Variants in TTC8 observed in about 807,000 individuals in gnomAD.
The protein encoded by TTC8 is tetratricopeptide repeat protein 8.
Under a neutral mutation model 72.5 loss-of-function variants are expected in TTC8, and 47 were observed. That is an observed-to-expected ratio of 0.65 (90% CI 0.51 to 0.83). The LOEUF (loss-of-function observed/expected upper bound fraction) is 0.83, where lower values mean the gene tolerates loss of function less well. TTC8 is among the 40% of genes least tolerant of loss of function. The pLI is 0.00. For missense variants in TTC8, 611 were observed against 623.2 expected, an observed-to-expected ratio of 0.98 and a Z score of 0.21; for synonymous variants, 199 against 221.4, an observed-to-expected ratio of 0.90 and a Z score of 0.90.
chr14:88,880,011 A>G (rs2094969060), downstream of TTC8: 1 of 152,114 alleles, frequency 6.6e-6, no homozygotes, highest in African/African-American at 2.4e-5. Flanking sequence ...CCAACCCTTT[A>G]CTACAATGAG....
intron 1 of TTC8, chr14:88,830,820 TAAA>T (rs1395755523): frequency 2.2e-6 from 1 of 455,726 alleles, no homozygotes; most frequent in Non-Finnish European, 4.4e-6. Context: ...CAGTGATTTT[TAAA>T]AAAGAGTTTT....
chr14:88,870,296 C>A, intron 11 of TTC8, 98 bp downstream of exon 11: 1 of 1,347,354 alleles, frequency 7.4e-7, no homozygotes, highest in Non-Finnish European at 1.1e-6. Flanking sequence ...AAGGTATAGG[C>A]CATGTCTTTA....
chr14:88,841,205 T>G lies in TTC8; in HGVS notation c.489+9T>G, dbSNP rs1178367104. On this transcript the variant is annotated intron_variant, in intron 5 of 14. Coordinates refer to ENST00000380656, the MANE Select transcript of TTC8 (RefSeq NM_144596.4). The stretch of plus-strand genomic sequence containing the variant: ...TTGTCAGGCTGGGAACGGTAAATTC[T>G]ATCAGCTTTCCCATAGCCTTGTATT... 1.2e-6 allele frequency: 2 copies of G among 1,613,914 alleles called. No individual in the cohort carries two copies. Among genetic ancestry groups the G allele is most frequent in the African/African-American group, 1.3e-5 (1 of 74,914 alleles).
At chr14:88,869,197 C>A (rs1161776426) in intron 10 of TTC8, among the ~76,000 whole-genome samples, 1 of 152,132 alleles carries the variant, frequency 6.6e-6, no homozygotes, top group East Asian at 1.9e-4. Context: ...GATGTGGAGC[C>A]TGAACAGGGC....
chr14:88,844,306 C>T (rs2094795674), intron 7 of TTC8, among the ~76,000 whole-genome samples: 1 of 152,102 alleles, frequency 6.6e-6, no homozygotes, highest in African/African-American at 2.4e-5. Flanking sequence ...GTCTTCATAG[C>T]CTCTTAACAG....
rs1213882506 is a variant in TTC8, at chr14:88,843,867, T to C, written c.624+17T>C. On this transcript the variant is annotated intron_variant, in intron 7 of 14. Coordinates refer to ENST00000380656, the MANE Select transcript of TTC8 (RefSeq NM_144596.4). Reference sequence around the variant, plus strand: ...GTTAAGACTGTAAGTTTTGAATTCATGCTATTTTCTTTTATTGTAATTTTT... The same window carrying C: ...GTTAAGACTGTAAGTTTTGAATTCACGCTATTTTCTTTTATTGTAATTTTT... 3.9e-6 allele frequency: 6 copies of C among 1,537,914 alleles called. No individual in the cohort carries two copies. Among genetic ancestry groups the C allele is most frequent in the Non-Finnish European group, 5.4e-6 (6 of 1,121,076 alleles).
intron 7 of TTC8, among the ~76,000 whole-genome samples, chr14:88,852,604 G>C (rs371205870): frequency 1.6e-4 from 24 of 152,276 alleles, no homozygotes; most frequent in African/African-American, 5.5e-4. Context: ...CCGAAGACTT[G>C]ACTGCCACGG....
intron 1 of TTC8, among the ~76,000 whole-genome samples, chr14:88,830,421 G>C (rs1012768765): frequency 3.9e-5 from 6 of 152,136 alleles, no homozygotes; most frequent in Non-Finnish European, 8.8e-5. Context: ...AGTTCTGAAA[G>C]GGGGAGTAAT....
At chr14:88,835,537 CA>C (rs1216081171) in intron 2 of TTC8, among the ~76,000 whole-genome samples, 4 of 152,078 alleles carry the variant, frequency 2.6e-5, no homozygotes, top group Non-Finnish European at 5.9e-5. Flanking sequence ...AACAAAGTTC[CA>C]AAAGCATCAA....
intron 2 of TTC8, 24 bp from the exon 3 acceptor site, chr14:88,839,428 G>A: frequency 6.2e-7 from 1 of 1,611,012 alleles, no homozygotes; most frequent in Non-Finnish European, 8.5e-7. Context: ...TTTAATATAT[G>A]TTTTATTTAT....
intron 10 of TTC8, 112 bp from the exon 11 acceptor site, chr14:88,869,946 TG>T: frequency 9.2e-7 from 1 of 1,082,500 alleles, no homozygotes; most frequent in Non-Finnish European, 1.4e-6. Flanking sequence ...GTCTGGCACA[TG>T]GTAGCCTCTC....
intron 10 of TTC8, among the ~76,000 whole-genome samples, chr14:88,867,586 C>T (rs557104148): frequency 4.6e-5 from 7 of 152,012 alleles, no homozygotes; most frequent in South Asian, 4.2e-4. Context: ...AATTTTGTAC[C>T]GTTTTGTAAG....
At chr14:88,826,369 A>G (rs928986718) in intron 1 of TTC8, among the ~76,000 whole-genome samples, 1 of 152,048 alleles carries the variant, frequency 6.6e-6, no homozygotes, top group Non-Finnish European at 1.5e-5. Flanking sequence ...ACTTGTGACA[A>G]AATATTGACC....
At chr14:88,878,801 C>T (rs1358890448), downstream of TTC8, 1 of 152,216 alleles carries the variant, frequency 6.6e-6, no homozygotes, top group Non-Finnish European at 1.5e-5. Context: ...AATATGCCCA[C>T]TGTTCTGAGC....
rs1808862746 is a variant in TTC8 at position 88,848,544 on chromosome 14, C to T, written c.625-4427C>T. Among the ~76,000 whole-genome samples, 4 of 152,078 alleles carry T rather than the reference C, an allele frequency of 2.6e-5. No individual in the cohort carries two copies. In the South Asian group the frequency reaches 8.3e-4, roughly 32 times the overall value. ...TGTAACTTTAGATATAGTGGCAAAA[C>T]TATATCTAACCTAAATGTTTAACAA... On this transcript the variant is annotated intron_variant, in intron 7 of 14. Coordinates refer to ENST00000380656, the MANE Select transcript of TTC8 (RefSeq NM_144596.4).
chr14:88,876,343 T>C (rs540697441), intron 14 of TTC8, among the ~76,000 whole-genome samples: 9 of 152,370 alleles, frequency 5.9e-5, no homozygotes, highest in Admixed American at 2.0e-4. Flanking sequence ...ATTTCTGTTT[T>C]AATACGTATG....
At position 88,840,946 on chromosome 14, in the gene TTC8, A is replaced by G. The variant is rs774470766; in HGVS notation, c.329+18A>G. The G allele has an allele frequency of 6.3e-5, 102 of 1,614,020 alleles. No homozygotes were observed. The highest frequency in any genetic ancestry group is 8.6e-5 in the Non-Finnish European group (102 of 1,179,986). On this transcript the variant is annotated intron_variant, in intron 4 of 14. Transcript: ENST00000380656. The stretch of plus-strand genomic sequence containing the variant: ...GCCGTTAGGTATGTACTTCTGCTTC[A>G]TAACCTCTGCCACTAAATATTGATC...
At chr14:88,870,530 A>C (rs1477010781) in intron 11 of TTC8, among the ~76,000 whole-genome samples, 1 of 152,254 alleles carries the variant, frequency 6.6e-6, no homozygotes, top group Non-Finnish European at 1.5e-5. Context: ...ACCATTAAAC[A>C]TAAAGACACT....
chr14:88,850,985 C>G (rs531153286), intron 7 of TTC8, among the ~76,000 whole-genome samples: 1 of 152,252 alleles, frequency 6.6e-6, no homozygotes, highest in South Asian at 2.1e-4. Context: ...CCATGGCTTA[C>G]AAGTCATTGG....
Sources: allele counts gnomAD v4.1 joint callset (sites outside exome capture counted in the v4.1 genomes callset), GRCh38; gene constraint gnomAD v4.1.1; transcripts MANE v1.5; gene names NCBI Gene and HGNC (gene_info 2026-07-23, HGNC 2026-07-21).